Variants in TOGARAM1 observed in about 807,000 individuals in gnomAD.
The protein encoded by TOGARAM1 is TOG array regulator of axonemal microtubules protein 1.
TOGARAM1 carries 100 observed loss-of-function variants against 166.6 expected under a neutral mutation model. The ratio of observed to expected loss-of-function variants is 0.60; its 90% CI spans 0.51 to 0.71. The LOEUF is 0.71. Among genes scored for constraint, TOGARAM1 ranks in the 30% least tolerant of loss-of-function variants. The pLI is 0.00. For missense variants in TOGARAM1, 2,029 were observed against 2,102.7 expected (o/e 0.96, Z 0.69); for synonymous variants, 758 against 763.8 (o/e 0.99, Z 0.13).
chr14:44,962,346 C>T lies in TOGARAM1; in HGVS notation c.-76C>T. ...CTGCAGCTTGGGGCTTGGAGAGGAT[C>T]TGGAAGTCTGGGCTCCATCGAGCCC... On this transcript the variant is annotated 5_prime_UTR_variant, in exon 1 of 20. Transcript: ENST00000361462. 6.8e-7 allele frequency: 1 copy of T among 1,469,282 alleles called. No individual in the cohort carries two copies. Among genetic ancestry groups the T allele is most frequent in the Non-Finnish European group, 9.0e-7 (1 of 1,112,216 alleles). The allele number at this position is 1,469,282 out of a possible 1,614,324, so 91.0% of individuals were successfully genotyped here.
intron 1 of TOGARAM1, among the ~76,000 whole-genome samples, chr14:44,991,731 GT>G (rs141740822): frequency 8.8e-5 from 13 of 147,174 alleles, no homozygotes; most frequent in Admixed American, 4.1e-4. Context: ...ATTTATTTTT[GT>G]TTTTTTTTTA....
chr14:45,013,806 T>C (rs1272202015), intron 7 of TOGARAM1, among the ~76,000 whole-genome samples: 2 of 152,174 alleles, frequency 1.3e-5, no homozygotes, highest in African/African-American at 4.8e-5. Context: ...AGTATTTCTG[T>C]AAAATTGAAG....
At chr14:44,992,212 A>G (rs1887181740) in intron 1 of TOGARAM1, among the ~76,000 whole-genome samples, 1 of 152,062 alleles carries the variant, frequency 6.6e-6, no homozygotes, top group African/African-American at 2.4e-5. Flanking sequence ...TAAAGTTTAC[A>G]TATAGTATCA....
chr14:44,973,538 G>GT (rs138687321), intron 1 of TOGARAM1, among the ~76,000 whole-genome samples: 18,094 of 147,432 alleles, frequency 0.12, 1,681 homozygotes, highest in African/African-American at 0.26. Context: ...TGAAAAATAA[G>GT]TTTTTTTTTT....
rs916641478 is a variant in TOGARAM1 at position 45,046,845 on chromosome 14, T to G, written c.4313+142T>G. 117 of 627,294 alleles carry G rather than the reference T, an allele frequency of 1.9e-4. 1 individual carries two copies. Among genetic ancestry groups the G allele is most frequent in the Non-Finnish European group, 9.1e-5 (39 of 430,576 alleles). The allele number at this position is 627,294 out of a possible 1,614,324, so 38.9% of individuals were successfully genotyped here. On this transcript the variant is annotated intron_variant, in intron 14 of 19. Coordinates refer to ENST00000361462, the MANE Select transcript of TOGARAM1 (RefSeq NM_001308120.2). The stretch of plus-strand genomic sequence containing the variant: ...ATTGGTGCTGGGGGATGGTCTTATT[T>G]AACCAGTTTGTAAATATTCTTGAGG...
intron 16 of TOGARAM1, among the ~76,000 whole-genome samples, chr14:45,060,705 CACTTA>C (rs1256067266): frequency 1.3e-5 from 2 of 152,168 alleles, no homozygotes; most frequent in Non-Finnish European, 1.5e-5. Flanking sequence ...CTTTTCCAAA[CACTTA>C]ACTTATTTCA....
At chr14:45,001,283 C>T (rs60726876) in intron 3 of TOGARAM1, among the ~76,000 whole-genome samples, 7,236 of 152,244 alleles carry the variant, frequency 0.048, 560 homozygotes, top group African/African-American at 0.17. Context: ...TAAATGTAAG[C>T]TGACGTTATA....
At chr14:45,036,129 C>T (rs1881421355) in intron 11 of TOGARAM1, among the ~76,000 whole-genome samples, 1 of 62,566 alleles carries the variant, frequency 1.6e-5, no homozygotes, top group South Asian at 6.3e-4. Context: ...GACCTTGTCT[C>T]TAAAAAAAAA....
chr14:44,992,327 C>T (rs1887187821), intron 1 of TOGARAM1, among the ~76,000 whole-genome samples: 2 of 151,650 alleles, frequency 1.3e-5, no homozygotes, highest in African/African-American at 2.4e-5. Context: ...TGTTTAATGC[C>T]CAGCATTAAG....
In TOGARAM1 at chr14:44,963,260, T is replaced by C. The variant is rs1225868900; in HGVS notation, c.839T>C (p.Leu280Pro). Residue 280 changes from leucine (L) to proline (P), a missense_variant, in exon 1 of 20, where the codon CTT (leucine) becomes CCT (proline). Physicochemically the swap from Leu to Pro is moderately conservative, Grantham distance 98. Coordinates refer to ENST00000361462, the MANE Select transcript of TOGARAM1 (RefSeq NM_001308120.2). ...EEESETAFSA[L>P]QQIGERLGQD... ...GAATCTGAGACAGCTTTCTCCGCAC[T>C]TCAACAAATTGGGGAGCGACTTGGC... 1.2e-6 allele frequency: 2 copies of C among 1,614,192 alleles called. No homozygotes were observed. Among genetic ancestry groups the C allele is most frequent in the Non-Finnish European group, 1.7e-6 (2 of 1,180,032 alleles).
At chr14:44,967,675 A>G (rs550009811) in intron 1 of TOGARAM1, among the ~76,000 whole-genome samples, 7 of 152,318 alleles carry the variant, frequency 4.6e-5, no homozygotes, top group Admixed American at 3.9e-4. Flanking sequence ...CACAGCAAAC[A>G]CAAGGGGCCT....
intron 9 of TOGARAM1, 31 bp downstream of exon 9, chr14:45,027,505 T>C (rs937865031): frequency 1.3e-6 from 2 of 1,543,580 alleles, no homozygotes; most frequent in African/African-American, 2.8e-5. Context: ...TTAGAATAAA[T>C]TTAAGCTTAC....
At chr14:45,034,386 A>T (rs1007855271) in intron 11 of TOGARAM1, among the ~76,000 whole-genome samples, 3 of 152,134 alleles carry the variant, frequency 2.0e-5, no homozygotes, top group African/African-American at 7.2e-5. Flanking sequence ...TGGTGACTAG[A>T]CTTTGCAGGA....
At chr14:45,007,180 A>T (rs1879499148) in intron 5 of TOGARAM1, 2 of 152,254 alleles carry the variant, frequency 1.3e-5, no homozygotes, top group Admixed American at 1.3e-4. Flanking sequence ...TAATTTGCTC[A>T]ATAAAATAGA....
chr14:45,066,687 C>G lies in TOGARAM1; in HGVS notation c.4669C>G (p.Arg1557Gly). The change falls in exon 17 of 20, where the codon CGT (arginine) becomes GGT (glycine). Residue 1557 changes from arginine (R) to glycine (G), a missense_variant. By Grantham distance (125) the Arg-to-Gly change is moderately radical (BLOSUM62 -2). Coordinates refer to ENST00000361462, the MANE Select transcript of TOGARAM1 (RefSeq NM_001308120.2). ...TGGCTTATTAAATGCAAAAGACTTT[C>G]GTGATCGTATTAATGGGATTAAGCA... ...ITGLLNAKDF[R>G]DRINGIKQLL... 1 of 1,613,828 alleles carries G rather than the reference C, an allele frequency of 6.2e-7. No homozygotes were observed. Among genetic ancestry groups the G allele is most frequent in the Non-Finnish European group, 8.5e-7 (1 of 1,179,822 alleles).
intron 16 of TOGARAM1, among the ~76,000 whole-genome samples, chr14:45,056,995 A>G (rs893429163): frequency 6.6e-6 from 1 of 152,130 alleles, no homozygotes; most frequent in Non-Finnish European, 1.5e-5. Flanking sequence ...ATTTGGTAGA[A>G]TTCGACTGTG....
intron 3 of TOGARAM1, among the ~76,000 whole-genome samples, chr14:45,001,981 C>A (rs1887708881): frequency 1.3e-5 from 2 of 151,992 alleles, no homozygotes; most frequent in African/African-American, 4.8e-5. Flanking sequence ...TTAAGTATTT[C>A]TTTAGGTATT....
rs779549765 is a variant in TOGARAM1 at position 45,068,598 on chromosome 14, T to A, written c.4924T>A (p.Tyr1642Asn). Residue 1642 changes from tyrosine to asparagine, a missense_variant, in exon 18 of 20, where the codon TAT becomes AAT. Tyr to Asn is a moderately radical substitution (Grantham distance 143). This residue lies in a region of TOGARAM1 where 576 missense variants were observed against 670.5 expected (regional missense o/e 0.86). Coordinates refer to ENST00000361462, the MANE Select transcript of TOGARAM1 (RefSeq NM_001308120.2). Reference protein sequence around the residue: ...NNLNSKNPGIYAAATNVVQAL... With the variant: ...NNLNSKNPGINAAATNVVQAL... ...TCTGAATTCCAAGAATCCAGGCATC[T>A]ATGCGGCTGCTACAAATGTTGTTCA... 2 of 1,612,328 alleles carry A rather than the reference T, an allele frequency of 1.2e-6. No individual in the cohort carries two copies. The highest frequency in any genetic ancestry group is 2.2e-5 in the South Asian group (2 of 90,730).
chr14:45,028,009 T>C (rs1880955308), intron 9 of TOGARAM1, among the ~76,000 whole-genome samples, 167 bp from the exon 10 acceptor site: 1 of 152,170 alleles, frequency 6.6e-6, no homozygotes, highest in Non-Finnish European at 1.5e-5. Context: ...CTTTATATTT[T>C]ACATGTACTA....
Sources: gnomAD v4.1 joint callset for allele counts (sites outside exome capture counted in the v4.1 genomes callset) on GRCh38, gnomAD v4.1.1 for gene constraint, gnomAD v4.1.1 regional missense constraint, MANE v1.5 for transcripts, NCBI Gene and HGNC (gene_info 2026-07-23, HGNC 2026-07-21) for gene names.